Variants in CDH20 observed in about 807,000 individuals in gnomAD.
The protein encoded by CDH20 is cadherin 20, also known as cadherin-20.
A neutral mutation model predicts 74.2 loss-of-function variants in CDH20; 29 were observed. The observed-to-expected ratio is 0.39, with a 90% confidence interval of 0.29 to 0.53. The LOEUF is 0.53. Among genes scored for constraint, CDH20 ranks in the 20% least tolerant of loss-of-function variants. The pLI is 0.69. For missense variants in CDH20, 988 were observed against 1,048.3 expected (o/e 0.94, Z 0.79); for synonymous variants, 469 against 405.4 (o/e 1.16, Z -1.88).
At chr18:61,473,665 G>T (rs1207790544) in intron 1 of CDH20, among the ~76,000 whole-genome samples, 1 of 152,126 alleles carries the variant, frequency 6.6e-6, no homozygotes, top group Non-Finnish European at 1.5e-5. Flanking sequence ...CATCTTTGTG[G>T]CTTCATTACA....
Position 61,340,114 on chromosome 18 carries a change from T to C in CDH20, c.-153+6287T>C, listed in dbSNP as rs563300772. On this transcript the variant is annotated intron_variant, in intron 1 of 11. Transcript: ENST00000262717. ...TTAACTCTTAATACACTCCTACTTA[T>C]CTGTTCCTGCACCTGGTTTATAACT... Among the ~76,000 whole-genome samples, 108 of 152,174 alleles carry C rather than the reference T, an allele frequency of 7.1e-4. 1 individual carries two copies. The highest frequency in any genetic ancestry group is 6.2e-3 in the Admixed American group (94 of 15,282).
chr18:61,532,815 A>C (rs1221576917), intron 7 of CDH20, among the ~76,000 whole-genome samples: 1 of 152,212 alleles, frequency 6.6e-6, no homozygotes, highest in Non-Finnish European at 1.5e-5. Context: ...GTTGCTGGCA[A>C]CTTTAAATCA....
intron 1 of CDH20, among the ~76,000 whole-genome samples, chr18:61,392,009 GA>G (rs1379045120): frequency 6.6e-6 from 1 of 152,014 alleles, no homozygotes; most frequent in Non-Finnish European, 1.5e-5. Flanking sequence ...CAGCTGTGGG[GA>G]AAGTCCTACA....
chr18:61,478,422 A>G (rs1479255012), intron 1 of CDH20, among the ~76,000 whole-genome samples: 2 of 152,068 alleles, frequency 1.3e-5, no homozygotes, highest in African/African-American at 2.4e-5. Context: ...TAACTGTTTA[A>G]TTCAATATCT....
At chr18:61,532,995 C>A (rs1408859784) in intron 7 of CDH20, among the ~76,000 whole-genome samples, 1 of 152,170 alleles carries the variant, frequency 6.6e-6, no homozygotes, top group Non-Finnish European at 1.5e-5. Flanking sequence ...ATAAAAGTGA[C>A]TTCAGCTAGT....
At chr18:61,488,930 G>A (rs1044327720) in intron 1 of CDH20, among the ~76,000 whole-genome samples, 2 of 152,194 alleles carry the variant, frequency 1.3e-5, no homozygotes, top group Admixed American at 6.5e-5. Flanking sequence ...CAAAGAGAGA[G>A]AGAACAGCTA....
At chr18:61,487,955 G>T (rs944904420) in intron 1 of CDH20, among the ~76,000 whole-genome samples, 1 of 152,048 alleles carries the variant, frequency 6.6e-6, no homozygotes, top group Non-Finnish European at 1.5e-5. Flanking sequence ...GCATGCACAG[G>T]CACTCTTAGA....
intron 1 of CDH20, among the ~76,000 whole-genome samples, chr18:61,473,848 T>C (rs906309560): frequency 2.0e-5 from 3 of 152,246 alleles, no homozygotes; most frequent in South Asian, 2.1e-4. Flanking sequence ...TTTTAACTGA[T>C]ACTTTATAGC....
intron 6 of CDH20, among the ~76,000 whole-genome samples, chr18:61,527,348 C>A (rs1367925196): frequency 1.6e-5 from 1 of 62,862 alleles, no homozygotes; most frequent in African/African-American, 4.4e-5. Context: ...GCCTAGGCCT[C>A]AGTTGCATGA....
intron 6 of CDH20, among the ~76,000 whole-genome samples, chr18:61,510,810 A>G (rs1911751765): frequency 6.6e-6 from 1 of 152,228 alleles, no homozygotes; most frequent in South Asian, 2.1e-4. Context: ...TGCTAGAATT[A>G]TAATAGGTGA....
At chr18:61,482,965 C>T (rs1277159779) in intron 1 of CDH20, among the ~76,000 whole-genome samples, 1 of 152,204 alleles carries the variant, frequency 6.6e-6, no homozygotes, top group Non-Finnish European at 1.5e-5. Flanking sequence ...ATTCTCTAAG[C>T]AAATTAAATT....
intron 1 of CDH20, among the ~76,000 whole-genome samples, chr18:61,408,167 G>T (rs1368024316): frequency 4.6e-5 from 7 of 151,958 alleles, no homozygotes; most frequent in Non-Finnish European, 1.0e-4. Flanking sequence ...ATTATTAAGG[G>T]GGAAAATAGA....
Position 61,490,567 on chromosome 18 carries a change from G to T in CDH20, c.14G>T (p.Gly5Val), listed in dbSNP as rs780283426. Residue 5 changes from glycine (G) to valine (V), a missense_variant, in exon 2 of 12, where the codon GGT (glycine) becomes GTT (valine). Around this residue, in one of 2 missense-constraint regions of CDH20, gnomAD observed 613 missense variants for 755.2 expected, o/e 0.81. Coordinates refer to ENST00000262717, the MANE Select transcript of CDH20 (RefSeq NM_031891.4). MWTS[G>V]RMSNAKNWLG... is the part of the protein sequence containing the mutation. ...CCTGGCAATCCCATGTGGACTTCTG[G>T]TAGAATGAGCAATGCAAAGAACTGG... 1.9e-6 allele frequency: 3 copies of T among 1,613,714 alleles called. No homozygotes were observed. The highest frequency in any genetic ancestry group is 2.5e-6 in the Non-Finnish European group (3 of 1,179,812).
chr18:61,396,497 T>G (rs1407510619), intron 1 of CDH20, among the ~76,000 whole-genome samples: 1 of 152,194 alleles, frequency 6.6e-6, no homozygotes, highest in East Asian at 1.9e-4. Flanking sequence ...CCCACTGATA[T>G]TTCCAGAATC....
intron 1 of CDH20, among the ~76,000 whole-genome samples, chr18:61,385,313 A>C (rs1911558180): frequency 6.6e-6 from 1 of 152,174 alleles, no homozygotes; most frequent in African/African-American, 2.4e-5. Flanking sequence ...CAAAAAATAA[A>C]ACAGATTTAA....
intron 1 of CDH20, among the ~76,000 whole-genome samples, chr18:61,368,182 A>G (rs76689407): frequency 0.042 from 6,383 of 152,114 alleles, 192 homozygotes; most frequent in Non-Finnish European, 0.054. Context: ...AGGTCGGCTG[A>G]TTAACAACCT....
chr18:61,464,616 G>A lies in CDH20; in HGVS notation c.-152-25786G>A, dbSNP rs1427313439. Among the ~76,000 whole-genome samples the A allele has an allele frequency of 3.3e-5, 5 of 152,172 alleles. No individual in the cohort carries two copies. In the East Asian group the frequency reaches 9.6e-4, roughly 29 times the overall value. ...CCCCAGCAGGGTAGAGCTTGCTGCAGGAGCTGACAGTTCCCTGCCAAAACT... is the reference window on the plus strand; with the variant it reads ...CCCCAGCAGGGTAGAGCTTGCTGCAAGAGCTGACAGTTCCCTGCCAAAACT... On this transcript the variant is annotated intron_variant, in intron 1 of 11. Coordinates refer to ENST00000262717, the MANE Select transcript of CDH20 (RefSeq NM_031891.4).
intron 9 of CDH20, among the ~76,000 whole-genome samples, chr18:61,541,962 A>G (rs1913057769): frequency 2.0e-5 from 3 of 152,094 alleles, no homozygotes; most frequent in Admixed American, 2.0e-4. Flanking sequence ...CTCCCAACCC[A>G]GACTTAGCGA....
At chr18:61,499,043 G>A (rs2144314860) in intron 2 of CDH20, 143 bp from the exon 3 acceptor site, 1 of 638,200 alleles carries the variant, frequency 1.6e-6, no homozygotes, top group East Asian at 2.8e-5. Context: ...ATGCATACTA[G>A]TTCTTTGTCG....
Sources: allele counts gnomAD v4.1 joint callset (sites outside exome capture counted in the v4.1 genomes callset), GRCh38; gene constraint gnomAD v4.1.1; regional missense constraint gnomAD v4.1.1; transcripts MANE v1.5; gene names NCBI Gene and HGNC (gene_info 2026-07-23, HGNC 2026-07-21).